EMC7: variants seen among roughly 807,000 people sequenced by gnomAD.
EMC7 encodes the protein endoplasmic reticulum membrane protein complex subunit 7.
EMC7 carries 4 observed loss-of-function variants against 24.4 expected under a neutral mutation model. That is an observed-to-expected ratio of 0.16 (90% CI 0.08 to 0.38). The LOEUF is 0.38. EMC7 is among the 10% of genes least tolerant of loss of function. The pLI is 1.00. For synonymous variants in EMC7, 106 were observed against 112.0 expected (o/e 0.95, Z 0.34); for missense variants, 221 against 300.6 (o/e 0.74, Z 1.96).
At position 34,095,936 on chromosome 15, in the gene EMC7, A is replaced by C. The variant is rs1901058188; in HGVS notation, c.315T>G (p.Phe105Leu). 1 of 1,610,820 alleles carries C rather than the reference A, an allele frequency of 6.2e-7. No homozygotes were observed. Among genetic ancestry groups the C allele is most frequent in the African/African-American group, 1.3e-5 (1 of 74,918 alleles). ...VVEVVSPAYR[F>L]DPVRVDITSK... is the part of the protein sequence containing the mutation. ...AAGTGATATCCACTCGAACGGGATCAAATCTGTAAGCTGGAGATACAACTT... is the reference window on the plus strand; with the variant it reads ...AAGTGATATCCACTCGAACGGGATCCAATCTGTAAGCTGGAGATACAACTT... The change falls in exon 2 of 5, where the codon TTT becomes TTG. Residue 105 changes from phenylalanine to leucine, a missense_variant. By Grantham distance (22) the Phe-to-Leu change is conservative (BLOSUM62 0). Around this residue, in one of 2 missense-constraint regions of EMC7, gnomAD observed 156 missense variants for 177.1 expected, o/e 0.88. Coordinates refer to ENST00000256545, the MANE Select transcript of EMC7 (RefSeq NM_020154.3).
chr15:34,087,308 T>A lies in EMC7; in HGVS notation c.576+745A>T, dbSNP rs137896830. ...GATGGTTGAACGGAAAAATGCATGA[T>A]GGTTTTTTGAAAAAATGAAGAGTTC... On this transcript the variant is annotated intron_variant, in intron 4 of 4. Transcript: ENST00000256545. Among the ~76,000 whole-genome samples the A allele has an allele frequency of 4.8e-3, 735 of 152,320 alleles. 9 individuals are homozygous for A. The highest frequency in any genetic ancestry group is 0.017 in the African/African-American group (699 of 41,570).
At chr15:34,091,595 T>A (rs542700229) in intron 2 of EMC7, among the ~76,000 whole-genome samples, 7 of 152,248 alleles carry the variant, frequency 4.6e-5, no homozygotes, top group African/African-American at 1.7e-4. Flanking sequence ...CAGGGGAGAC[T>A]TTTTCCCCCA....
chr15:34,095,850 T>C (rs745390768), intron 2 of EMC7, 45 bp downstream of exon 2: 8 of 1,564,356 alleles, frequency 5.1e-6, no homozygotes, highest in Non-Finnish European at 7.0e-6. Context: ...TACTAAGGTA[T>C]TCAGTAGCCT....
chr15:34,090,315 A>G lies in EMC7; in HGVS notation c.495+2T>C. The G allele has an allele frequency of 6.2e-7, 1 of 1,611,572 alleles. No homozygotes were observed. Among genetic ancestry groups the G allele is most frequent in the Non-Finnish European group, 8.5e-7 (1 of 1,179,196 alleles). On this transcript the variant is annotated splice_donor_variant, in intron 3 of 4. Transcript: ENST00000256545. LOFTEE classifies it high-confidence loss of function. Reference sequence around the variant, plus strand: ...AGTGCTTTATTTTAGCCTGATACATACCATTGGGTTCATTAGAAAGTCTGT... The same window carrying G: ...AGTGCTTTATTTTAGCCTGATACATGCCATTGGGTTCATTAGAAAGTCTGT...
At position 34,098,622 on chromosome 15, in the gene EMC7, ATTTTTTTTTT is replaced by A. The variant is rs34981831; in HGVS notation, c.237-2618_237-2609del. ...AGACTACCGCCAGTATGCCTGGCTG[ATTTTTTTTTT>A]TTTTTTTTGTATTTTTAGTAGAGAT... On this transcript the variant is annotated intron_variant, in intron 1 of 4. Coordinates refer to ENST00000256545, the MANE Select transcript of EMC7 (RefSeq NM_020154.3). 1.8e-4 allele frequency among the ~76,000 whole-genome samples: 23 copies of A among 128,168 alleles called. No individual in the cohort carries two copies. In the South Asian group the frequency reaches 5.7e-3, roughly 32 times the overall value. The allele number at this position is 128,168 out of a possible 152,430, so 84.1% of individuals were successfully genotyped here.
At chr15:34,089,695 G>GCCTGTAATC (rs1900948919) in intron 3 of EMC7, among the ~76,000 whole-genome samples, 1 of 152,086 alleles carries the variant, frequency 6.6e-6, no homozygotes, top group Non-Finnish European at 1.5e-5. Flanking sequence ...GGTGGCTCAC[G>GCCTGTAATC]CCTGTAATCC....
intron 2 of EMC7, among the ~76,000 whole-genome samples, chr15:34,095,185 A>G (rs1369492101): frequency 6.6e-6 from 1 of 152,248 alleles, no homozygotes; most frequent in East Asian, 1.9e-4. Context: ...GATAGCTTAA[A>G]GAAGAGACAT....
intron 1 of EMC7, among the ~76,000 whole-genome samples, chr15:34,097,180 C>T (rs545134311): frequency 6.6e-5 from 10 of 151,736 alleles, no homozygotes; most frequent in Middle Eastern, 3.4e-3. Flanking sequence ...ACTACAGGCG[C>T]CCTCCATCAC....
chr15:34,090,369 TAAG>T lies in EMC7; in HGVS notation c.440_442del (p.Ser147del), dbSNP rs1437518075. ...GCCCCACGATTCCCTTTTAATAAAG[TAAG>T]AAGGTGGACCTGAAGATTTCATTTG... On this transcript the variant is annotated inframe_deletion, in exon 3 of 5. Transcript: ENST00000256545. 1 of 1,614,028 alleles carries T rather than the reference TAAG, an allele frequency of 6.2e-7. No individual in the cohort carries two copies. Among genetic ancestry groups the T allele is most frequent in the Non-Finnish European group, 8.5e-7 (1 of 1,179,962 alleles).
chr15:34,096,359 C>T (rs60203898), intron 1 of EMC7, among the ~76,000 whole-genome samples: 12 of 151,854 alleles, frequency 7.9e-5, no homozygotes, highest in African/African-American at 2.9e-4. Flanking sequence ...TTAGTAGAGA[C>T]GGGGTTTCAC....
intron 3 of EMC7, among the ~76,000 whole-genome samples, chr15:34,088,354 T>C (rs1233057957): frequency 1.3e-5 from 2 of 152,206 alleles, no homozygotes; most frequent in Non-Finnish European, 2.9e-5. Flanking sequence ...GTTTTCTGTA[T>C]GTATGTTTGG....
At chr15:34,094,145 C>G (rs1901025445) in intron 2 of EMC7, among the ~76,000 whole-genome samples, 1 of 152,006 alleles carries the variant, frequency 6.6e-6, no homozygotes, top group African/African-American at 2.4e-5. Context: ...TGGCTCACAT[C>G]TGTAATCCCA....
In EMC7 at chr15:34,084,087, C is replaced by A; in HGVS notation, c.*247G>T. Reference sequence around the variant, plus strand: ...AGTAGTTCATATAATTTATTAATGGCATTTTCTATAGGACACTGTAATTAA... The same window carrying A: ...AGTAGTTCATATAATTTATTAATGGAATTTTCTATAGGACACTGTAATTAA... On this transcript the variant is annotated 3_prime_UTR_variant, in exon 5 of 5. Coordinates refer to ENST00000256545, the MANE Select transcript of EMC7 (RefSeq NM_020154.3). The A allele has an allele frequency of 2.8e-6, 1 of 361,218 alleles. No homozygotes were observed. Among genetic ancestry groups the A allele is most frequent in the Non-Finnish European group, 4.9e-6 (1 of 203,002 alleles). The allele number at this position is 361,218 out of a possible 1,614,324, so 22.4% of individuals were successfully genotyped here.
chr15:34,086,236 G>T, intron 4 of EMC7: 1 of 348,030 alleles, frequency 2.9e-6, no homozygotes, highest in Non-Finnish European at 5.5e-6. Context: ...TTGACATATT[G>T]GTCTGACTGG....
rs145183392 is a variant in EMC7, at chr15:34,087,875, G to A, written c.576+178C>T. Among the ~76,000 whole-genome samples the A allele has an allele frequency of 4.1e-4, 63 of 152,252 alleles. 1 individual carries two copies. The East Asian group carries it at 0.011, about 26-fold the overall frequency. The stretch of plus-strand genomic sequence containing the variant: ...TACGGTTCAAAAACCCACAGGTGGG[G>A]CCAGGCATGGTGCCTCGGACCTATA... On this transcript the variant is annotated intron_variant, in intron 4 of 4. Transcript: ENST00000256545.
rs189947179 is a variant in EMC7 at position 34,084,319 on chromosome 15, C to T, written c.*15G>A. The T allele has an allele frequency of 1.7e-3, 2,732 of 1,609,512 alleles. 4 individuals are homozygous for T. Among genetic ancestry groups the T allele is most frequent in the Non-Finnish European group, 2.0e-3 (2,340 of 1,176,606 alleles). ...GTTGCCGTGTTTGTGCAAATGCCAG[C>T]TCTGGACGGCCTGACTACCTCCTTT... On this transcript the variant is annotated 3_prime_UTR_variant, in exon 5 of 5. Transcript: ENST00000256545.
At chr15:34,086,249 C>A in intron 4 of EMC7, 1 of 317,366 alleles carries the variant, frequency 3.2e-6, no homozygotes, top group South Asian at 3.2e-5. Context: ...CTGACTGGTG[C>A]CAGATAAACC....
chr15:34,086,878 T>C (rs1900898036), intron 4 of EMC7, among the ~76,000 whole-genome samples: 1 of 152,274 alleles, frequency 6.6e-6, no homozygotes, highest in Non-Finnish European at 1.5e-5. Flanking sequence ...ATAAAACATT[T>C]TGAAATATCA....
chr15:34,085,250 C>T (rs762369003), intron 4 of EMC7, among the ~76,000 whole-genome samples: 3 of 152,154 alleles, frequency 2.0e-5, no homozygotes, highest in Non-Finnish European at 4.4e-5. Context: ...AAGCAACACA[C>T]TGTTACAAAG....
Sources: allele counts gnomAD v4.1 joint callset (sites outside exome capture counted in the v4.1 genomes callset), GRCh38; gene constraint gnomAD v4.1.1; regional missense constraint gnomAD v4.1.1; transcripts MANE v1.5; gene names NCBI Gene and HGNC (gene_info 2026-07-23, HGNC 2026-07-21).